SKA2: variants seen among roughly 807,000 people sequenced by gnomAD.
The protein encoded by SKA2 is spindle and kinetochore associated complex subunit 2.
Under a neutral mutation model 16.9 loss-of-function variants are expected in SKA2, and 13 were observed. That is an observed-to-expected ratio of 0.77 (90% confidence interval 0.50 to 1.22). The LOEUF is 1.22. SKA2 is among the 50% of genes most tolerant of loss of function. SKA2 has a pLI of 0.00. For missense variants in SKA2, 107 were observed against 139.7 expected, an observed-to-expected ratio of 0.77 and a Z score of 1.18; for synonymous variants, 47 against 48.5, an observed-to-expected ratio of 0.97 and a Z score of 0.13.
intron 1 of SKA2, among the ~76,000 whole-genome samples, chr17:59,135,675 T>G (rs1028858993): frequency 6.6e-6 from 1 of 151,664 alleles, no homozygotes; most frequent in Non-Finnish European, 1.5e-5. Flanking sequence ...ACAAATTAAA[T>G]TATATAAATT....
intron 1 of SKA2, 157 bp downstream of exon 1, chr17:59,154,974 C>T (rs546489176): frequency 5.0e-6 from 8 of 1,613,888 alleles, no homozygotes; most frequent in African/African-American, 2.7e-5. Context: ...GTTTAGACAC[C>T]AGACGGTGGC....
chr17:59,155,005 G>A (rs1040188833), intron 1 of SKA2, 126 bp downstream of exon 1: 1 of 1,613,908 alleles, frequency 6.2e-7, no homozygotes, highest in Non-Finnish European at 8.5e-7. Context: ...GGTGCAGGAG[G>A]AGGGAACTCG....
intron 1 of SKA2, among the ~76,000 whole-genome samples, chr17:59,141,213 A>G (rs907909723): frequency 2.6e-5 from 4 of 151,974 alleles, no homozygotes; most frequent in African/African-American, 7.2e-5. Flanking sequence ...CCTGGCCAAC[A>G]TGGTGAAACC....
chr17:59,131,673 G>A lies in SKA2; in HGVS notation c.34-306C>T, dbSNP rs187978049. On this transcript the variant is annotated intron_variant, in intron 1 of 3. Coordinates refer to ENST00000330137, the MANE Select transcript of SKA2 (RefSeq NM_182620.4). ...ATTAATACAAAAAACTAATAATGAC[G>A]TCAATAATTTCCTAGGGTCACAGAT... 9.9e-5 allele frequency among the ~76,000 whole-genome samples: 15 copies of A among 152,168 alleles called. No individual in the cohort carries two copies. In the East Asian group the frequency reaches 2.3e-3, roughly 24 times the overall value.
intron 1 of SKA2, among the ~76,000 whole-genome samples, chr17:59,146,101 A>G (rs191918218): frequency 5.9e-5 from 9 of 152,342 alleles, no homozygotes; most frequent in Admixed American, 5.9e-4. Context: ...CAGCTCTTAC[A>G]TTTACTAACA....
chr17:59,139,062 T>G (rs2046467275), intron 1 of SKA2, among the ~76,000 whole-genome samples: 1 of 151,744 alleles, frequency 6.6e-6, no homozygotes, highest in African/African-American at 2.4e-5. Flanking sequence ...TAGAGAAGAG[T>G]TGGTAGACAG....
intron 2 of SKA2, among the ~76,000 whole-genome samples, chr17:59,124,579 A>G (rs1013689597): frequency 1.3e-5 from 2 of 152,216 alleles, no homozygotes; most frequent in African/African-American, 4.8e-5. Context: ...ATACCCAGAG[A>G]TCTGCATGTA....
chr17:59,135,324 TTTTTTTTTTTTA>T (rs1360612067), intron 1 of SKA2, among the ~76,000 whole-genome samples: 1 of 103,130 alleles, frequency 9.7e-6, no homozygotes, highest in Non-Finnish European at 2.0e-5. Context: ...TTTTTTTTTT[TTTTTTTTTTTTA>T]GAAGGAGTCT....
At position 59,119,428 on chromosome 17, in the gene SKA2, C is replaced by T. The variant is rs773602021; in HGVS notation, c.188G>A (p.Arg63His). 15 of 1,613,796 alleles carry T rather than the reference C, an allele frequency of 9.3e-6. No homozygotes were observed. The highest frequency in any genetic ancestry group is 3.3e-5 in the Admixed American group (2 of 59,984). Residue 63 changes from arginine (R) to histidine (H), a missense_variant, in exon 3 of 4, where the codon CGC (arginine) becomes CAC (histidine). Coordinates refer to ENST00000330137, the MANE Select transcript of SKA2 (RefSeq NM_182620.4). ...CTGCTCAACAGCAACTGGTTTAAAG[C>T]GGGCATACAAAGTTTGATATCGAGA... ...IKSRYQTLYA[R>H]FKPVAVEQKE... is the part of the protein sequence containing the mutation.
chr17:59,141,588 C>CAG (rs112454827), intron 1 of SKA2, among the ~76,000 whole-genome samples: 3,388 of 151,756 alleles, frequency 0.022, 146 homozygotes, highest in African/African-American at 0.076. Context: ...AAAAACTAGC[C>CAG]AGTGTGGTGG....
intron 2 of SKA2, among the ~76,000 whole-genome samples, chr17:59,120,001 C>T (rs1000753625): frequency 2.6e-5 from 4 of 151,858 alleles, no homozygotes; most frequent in Non-Finnish European, 4.4e-5. Flanking sequence ...CTTCACCTCC[C>T]AGGTTCATGC....
Position 59,155,181 on chromosome 17 carries a change from C to A in SKA2, c.-18G>T. Reference sequence around the variant, plus strand: ...GCCTCCATGTTGAATAGTTGACATTCCGCAGACCGCGGCGGCGCTTAAGCC... The same window carrying A: ...GCCTCCATGTTGAATAGTTGACATTACGCAGACCGCGGCGGCGCTTAAGCC... On this transcript the variant is annotated 5_prime_UTR_variant, in exon 1 of 4. Transcript: ENST00000330137. The A allele has an allele frequency of 1.2e-6, 2 of 1,613,924 alleles. No individual in the cohort carries two copies. Among genetic ancestry groups the A allele is most frequent in the Non-Finnish European group, 1.7e-6 (2 of 1,179,854 alleles).
At chr17:59,136,678 G>A (rs1273071664) in intron 1 of SKA2, among the ~76,000 whole-genome samples, 6 of 151,720 alleles carry the variant, frequency 4.0e-5, no homozygotes, top group Admixed American at 2.6e-4. Flanking sequence ...CCTCCCGAGC[G>A]GATGGGACTA....
chr17:59,126,180 AAATG>A (rs978019972), intron 2 of SKA2, among the ~76,000 whole-genome samples: 1 of 127,720 alleles, frequency 7.8e-6, no homozygotes, highest in African/African-American at 2.7e-5. Flanking sequence ...CAAAATAAAT[AAATG>A]AATAAATAAA....
intron 2 of SKA2, among the ~76,000 whole-genome samples, chr17:59,130,457 C>CAAA (rs569934567): frequency 5.0e-4 from 35 of 70,366 alleles, no homozygotes; most frequent in African/African-American, 7.4e-4. Flanking sequence ...ACTAAAAATA[C>CAAA]AAAAAAAAAA....
intron 2 of SKA2, among the ~76,000 whole-genome samples, chr17:59,120,032 C>T (rs1020302675): frequency 2.0e-5 from 3 of 151,790 alleles, no homozygotes; most frequent in Non-Finnish European, 2.9e-5. Flanking sequence ...CCTCAGCCTC[C>T]GGAGTAGCTG....
At position 59,125,525 on chromosome 17, in the gene SKA2, A is replaced by AC. The variant is rs539906354; in HGVS notation, c.120+5755dup. 1.3e-3 allele frequency among the ~76,000 whole-genome samples: 192 copies of AC among 150,292 alleles called. 1 individual carries two copies. The highest frequency in any genetic ancestry group is 0.01 in the Middle Eastern group (3 of 292). ...AGACCAGCCTGACCAACATGGTGAAACCCCGTCTCTAATAAAAATACAAAA... is the reference window on the plus strand; with the variant it reads ...AGACCAGCCTGACCAACATGGTGAAACCCCCGTCTCTAATAAAAATACAAAA... On this transcript the variant is annotated intron_variant, in intron 2 of 3. Coordinates refer to ENST00000330137, the MANE Select transcript of SKA2 (RefSeq NM_182620.4).
At chr17:59,135,771 A>G (rs2046440399) in intron 1 of SKA2, among the ~76,000 whole-genome samples, 1 of 148,604 alleles carries the variant, frequency 6.7e-6, no homozygotes, top group Non-Finnish European at 1.5e-5. Flanking sequence ...TAAAATATAT[A>G]AAATAATTTT....
Position 59,119,325 on chromosome 17 carries a change from G to C in SKA2, c.291C>G (p.Asp97Glu). The C allele has an allele frequency of 6.2e-7, 1 of 1,613,704 alleles. No homozygotes were observed. The highest frequency in any genetic ancestry group is 1.3e-5 in the African/African-American group (1 of 75,014). The change falls in exon 3 of 4, where the codon GAC becomes GAG. Residue 97 changes from aspartate (D) to glutamate (E), a missense_variant. Transcript: ENST00000330137. ...TGTCAACTGAAAGCATTACCTCCAG[G>C]TCTGTTTGCTTCTGTAGTTTTTGTA... is the stretch of plus-strand genomic sequence containing the variant. The part of the protein sequence containing the change: ...NMIQKLQKQT[D>E]LELSPLTKEE...
Sources: allele counts gnomAD v4.1 joint callset (sites outside exome capture counted in the v4.1 genomes callset), GRCh38; gene constraint gnomAD v4.1.1; transcripts MANE v1.5; gene names NCBI Gene and HGNC (gene_info 2026-07-23, HGNC 2026-07-21).